Variants in SOHLH2 observed in about 807,000 individuals in gnomAD.
The protein encoded by SOHLH2 is spermatogenesis- and oogenesis-specific basic helix-loop-helix-containing protein 2.
A neutral mutation model predicts 50.4 loss-of-function variants in SOHLH2; 22 were observed. That is an observed-to-expected ratio of 0.44 (90% CI 0.31 to 0.62). The LOEUF is 0.62. Among genes scored for constraint, SOHLH2 ranks in the 20% least tolerant of loss-of-function variants. SOHLH2 has a pLI of 0.08. For synonymous variants in SOHLH2, 185 were observed against 187.3 expected (o/e 0.99, Z 0.10); for missense variants, 412 against 504.4 (o/e 0.82, Z 1.76).
intron 1 of SOHLH2, 118 bp downstream of exon 1, chr13:36,214,361 A>C: frequency 7.9e-7 from 1 of 1,266,944 alleles, no homozygotes; most frequent in South Asian, 1.4e-5. Flanking sequence ...TTCGCTCCCC[A>C]CAGTTCCCCG....
intron 10 of SOHLH2, among the ~76,000 whole-genome samples, chr13:36,169,402 C>T (rs774520431): frequency 5.3e-5 from 8 of 152,110 alleles, no homozygotes; most frequent in South Asian, 2.1e-4. Context: ...AACATTTCTT[C>T]GCAATTCTCT....
Position 36,170,389 on chromosome 13 carries a change from A to T in SOHLH2, c.1257+142T>A, listed in dbSNP as rs1030313362. The stretch of plus-strand genomic sequence containing the variant: ...CATGGGTTGACTGCACCTCCTTTTC[A>T]CTCATCAGGGTAGAGAGACTCAGAA... On this transcript the variant is annotated intron_variant, in intron 10 of 10. Transcript: ENST00000379881. 25 of 1,381,430 alleles carry T rather than the reference A, an allele frequency of 1.8e-5. No homozygotes were observed. In the South Asian group the frequency reaches 3.1e-4, roughly 17 times the overall value. 85.6% of individuals were successfully genotyped at this position (1,381,430 alleles called of 1,614,324 possible).
chr13:36,197,324 G>A (rs1007131991), intron 2 of SOHLH2, among the ~76,000 whole-genome samples: 2 of 152,154 alleles, frequency 1.3e-5, no homozygotes, highest in Admixed American at 6.6e-5. Flanking sequence ...TCTAGAACTG[G>A]AGCCAGCATC....
Position 36,169,042 on chromosome 13 carries a change from C to A in SOHLH2, c.1270G>T (p.Ala424Ser), listed in dbSNP as rs1046100329. The A allele has an allele frequency of 6.2e-7, 1 of 1,606,748 alleles. No homozygotes were observed. The highest frequency in any genetic ancestry group is 8.5e-7 in the Non-Finnish European group (1 of 1,177,736). ...ATTTCAAACATGTGCTTTTAATACG[C>A]CCAAAACTGTTGCTGCAAAGAAGGG... ...THPNCLQQFW[A>S]Y Residue 424 changes from alanine to serine, a missense_variant, in exon 11 of 11, where the codon GCG becomes TCG. Ala to Ser is a moderately conservative substitution (Grantham distance 99). Transcript: ENST00000379881.
Position 36,179,956 on chromosome 13 carries a change from T to TA in SOHLH2, c.642-5088dup, listed in dbSNP as rs1249768447. Among the ~76,000 whole-genome samples, 3 of 152,214 alleles carry TA rather than the reference T, an allele frequency of 2.0e-5. No homozygotes were observed. In the East Asian group the frequency reaches 5.8e-4, roughly 29 times the overall value. Reference sequence around the variant, plus strand: ...GAAGTATTCCCTCCTCCCACTTCTGTAAGAACGTGTTTAAGATTAGTATTA... The same window carrying TA: ...GAAGTATTCCCTCCTCCCACTTCTGTAAAGAACGTGTTTAAGATTAGTATTA... On this transcript the variant is annotated intron_variant, in intron 6 of 10. Transcript: ENST00000379881.
At chr13:36,183,226 T>G (rs751995348) in intron 6 of SOHLH2, 36 of 320,328 alleles carry the variant, frequency 1.1e-4, no homozygotes, top group Non-Finnish European at 2.1e-4. Flanking sequence ...ATTAAACCTC[T>G]TTTCTTTATA....
At chr13:36,172,478 T>TG (rs1181647120) in intron 9 of SOHLH2, among the ~76,000 whole-genome samples, 1 of 152,186 alleles carries the variant, frequency 6.6e-6, no homozygotes, top group African/African-American at 2.4e-5. Flanking sequence ...GGGTTCTATC[T>TG]GGGGGTCCCT....
At chr13:36,195,053 A>G (rs906902341) in intron 2 of SOHLH2, among the ~76,000 whole-genome samples, 3 of 152,174 alleles carry the variant, frequency 2.0e-5, no homozygotes, top group African/African-American at 7.2e-5. Context: ...TGGTAAACAG[A>G]CAGACAAGGT....
chr13:36,186,558 G>C (rs1217343463), intron 6 of SOHLH2, among the ~76,000 whole-genome samples: 1 of 152,038 alleles, frequency 6.6e-6, no homozygotes. Flanking sequence ...GGGACACTAT[G>C]GCAAAGCTCA....
At chr13:36,176,836 C>A (rs1887106982) in intron 6 of SOHLH2, among the ~76,000 whole-genome samples, 1 of 152,004 alleles carries the variant, frequency 6.6e-6, no homozygotes, top group South Asian at 2.1e-4. Flanking sequence ...TATATTAAAG[C>A]AAGGTAAGTT....
At chr13:36,180,847 G>A (rs1266146596) in intron 6 of SOHLH2, among the ~76,000 whole-genome samples, 1 of 152,034 alleles carries the variant, frequency 6.6e-6, no homozygotes. Context: ...GTCTTCTGCT[G>A]CAGTTGTTGG....
intron 1 of SOHLH2, among the ~76,000 whole-genome samples, chr13:36,203,769 C>A (rs1226756537): frequency 6.6e-6 from 1 of 151,974 alleles, no homozygotes; most frequent in African/African-American, 2.4e-5. Context: ...AGTACCTTTT[C>A]ATTTTAGTGG....
rs1413978142 is a variant in SOHLH2, at chr13:36,174,883, T to G, written c.642-14A>C. On this transcript the variant is annotated splice_polypyrimidine_tract_variant and intron_variant, in intron 6 of 10. Coordinates refer to ENST00000379881, the MANE Select transcript of SOHLH2 (RefSeq NM_017826.3). The stretch of plus-strand genomic sequence containing the variant: ...TTGATTCTTTCCCTGGACACAGAAT[T>G]GCAATACATAAAGAATAATTAGTCT... 1 of 1,557,434 alleles carries G rather than the reference T, an allele frequency of 6.4e-7. No homozygotes were observed. The highest frequency in any genetic ancestry group is 8.6e-7 in the Non-Finnish European group (1 of 1,159,098).
chr13:36,170,796 A>T lies in SOHLH2; in HGVS notation c.1001-9T>A. ...GGCGGAGCTTGATGGAACTTTAATG[A>T]GAAAGAAAACAAATATGGGTCAGTA... On this transcript the variant is annotated splice_polypyrimidine_tract_variant and intron_variant, in intron 9 of 10. Transcript: ENST00000379881. 1 of 1,609,230 alleles carries T rather than the reference A, an allele frequency of 6.2e-7. No individual in the cohort carries two copies. Among genetic ancestry groups the T allele is most frequent in the African/African-American group, 1.3e-5 (1 of 74,884 alleles).
intron 1 of SOHLH2, among the ~76,000 whole-genome samples, chr13:36,209,102 G>A (rs1050234552): frequency 2.0e-5 from 3 of 152,046 alleles, no homozygotes; most frequent in African/African-American, 7.2e-5. Flanking sequence ...TCTAAGAGAT[G>A]CTGGATGTCT....
At chr13:36,180,880 A>G (rs1315466255) in intron 6 of SOHLH2, among the ~76,000 whole-genome samples, 1 of 152,088 alleles carries the variant, frequency 6.6e-6, no homozygotes, top group African/African-American at 2.4e-5. Flanking sequence ...ATAAATATTC[A>G]TGAGATTGAG....
chr13:36,213,719 T>C (rs1869259914), intron 1 of SOHLH2, among the ~76,000 whole-genome samples: 1 of 152,050 alleles, frequency 6.6e-6, no homozygotes, highest in Non-Finnish European at 1.5e-5. Context: ...AGGTGGCAAA[T>C]GCGTGCAGAG....
At chr13:36,191,050 T>TA (rs1212312918) in intron 5 of SOHLH2, among the ~76,000 whole-genome samples, 1 of 152,196 alleles carries the variant, frequency 6.6e-6, no homozygotes, top group Non-Finnish European at 1.5e-5. Flanking sequence ...TTTGTATCCC[T>TA]AGGCTCTACT....
chr13:36,185,190 C>T (rs150054400), intron 6 of SOHLH2, among the ~76,000 whole-genome samples: 3 of 151,972 alleles, frequency 2.0e-5, no homozygotes, highest in Admixed American at 6.6e-5. Context: ...GTATAGAGGC[C>T]GGGCACGATG....
Sources: allele counts gnomAD v4.1 joint callset (sites outside exome capture counted in the v4.1 genomes callset), GRCh38; gene constraint gnomAD v4.1.1; transcripts MANE v1.5; gene names NCBI Gene and HGNC (gene_info 2026-07-23, HGNC 2026-07-21).